Variants in AADAC observed in about 807,000 individuals in gnomAD.
AADAC encodes the protein arylacetamide deacetylase, also known as arylacetamide deacetylase (esterase).
A neutral mutation model predicts 22.7 loss-of-function variants in AADAC; 17 were observed. The ratio of observed to expected loss-of-function variants is 0.75; its 90% CI spans 0.51 to 1.12. AADAC has a LOEUF of 1.12. Among genes scored for constraint, AADAC ranks in the 50% most tolerant of loss-of-function variants. AADAC has a pLI of 0.00. For missense variants in AADAC, 465 were observed against 473.9 expected (o/e 0.98, Z 0.17); for synonymous variants, 167 against 176.3 (o/e 0.95, Z 0.42).
intron 3 of AADAC, among the ~76,000 whole-genome samples, chr3:151,821,229 G>A (rs937408470): frequency 6.6e-6 from 1 of 151,798 alleles, no homozygotes; most frequent in Non-Finnish European, 1.5e-5. Context: ...CTAAAATGTA[G>A]GCTATATAAT....
At position 151,817,396 on chromosome 3, in the gene AADAC, C is replaced by T. The variant is rs866022661; in HGVS notation, c.169C>T (p.His57Tyr). ...ATFVELLGLH[H>Y]FMDSFKVVGS... The stretch of plus-strand genomic sequence containing the variant: ...ATTTGTGGAGCTCCTGGGACTTCAC[C>T]ATTTTATGGATTCCTTTAAGGTTGT... The change falls in exon 2 of 5, where the codon CAT (histidine) becomes TAT (tyrosine). Residue 57 changes from histidine to tyrosine, a missense_variant. By Grantham distance (83) the His-to-Tyr change is moderately conservative. Transcript: ENST00000232892. 1 of 1,613,500 alleles carries T rather than the reference C, an allele frequency of 6.2e-7. No homozygotes were observed.
intron 3 of AADAC, among the ~76,000 whole-genome samples, chr3:151,823,903 ATTGT>A (rs757307850): frequency 6.6e-6 from 1 of 152,026 alleles, no homozygotes; most frequent in African/African-American, 2.4e-5. Flanking sequence ...TTTAGTATTT[ATTGT>A]TTGTTTAATT....
intron 3 of AADAC, among the ~76,000 whole-genome samples, chr3:151,824,005 G>A (rs1443010962): frequency 6.6e-6 from 1 of 151,968 alleles, no homozygotes; most frequent in Non-Finnish European, 1.5e-5. Flanking sequence ...ATGTTGTACA[G>A]CAGATCTGTG....
At chr3:151,826,438 C>T (rs562287382) in intron 4 of AADAC, among the ~76,000 whole-genome samples, 11 of 151,900 alleles carry the variant, frequency 7.2e-5, no homozygotes, top group African/African-American at 2.7e-4. Context: ...AAATACCTGG[C>T]AACTTGTAAC....
Position 151,817,608 on chromosome 3 carries a change from A to G in AADAC, c.361+20A>G. On this transcript the variant is annotated intron_variant, in intron 2 of 4. Transcript: ENST00000232892. ...GTGCTGGTAAGTGAATGCTTTGAAA[A>G]ATCTCTGTCACTGAGGTAGTTCGCA... 1 of 1,605,262 alleles carries G rather than the reference A, an allele frequency of 6.2e-7. No individual in the cohort carries two copies. The highest frequency in any genetic ancestry group is 1.3e-5 in the African/African-American group (1 of 74,948).
chr3:151,817,228 G>A, intron 1 of AADAC, 138 bp from the exon 2 acceptor site: 1 of 714,778 alleles, frequency 1.4e-6, no homozygotes, highest in East Asian at 2.7e-5. Context: ...TCTTTTAAAA[G>A]GACCAAGCAG....
chr3:151,824,901 A>G (rs1261781718), intron 4 of AADAC, 67 bp downstream of exon 4: 1 of 1,271,656 alleles, frequency 7.9e-7, no homozygotes, highest in African/African-American at 1.5e-5. Context: ...CATATTTATA[A>G]ACATATTGAA....
rs112895765 is a variant in AADAC at position 151,820,592 on chromosome 3, C to T, written c.431+140C>T. On this transcript the variant is annotated intron_variant, in intron 3 of 4. Coordinates refer to ENST00000232892, the MANE Select transcript of AADAC (RefSeq NM_001086.3). ...GAGTGCAGTGGCAGGATCTCGGCTCCCTGCAACCTCCTCCTCCCGGGTTCA... is the reference window on the plus strand; with the variant it reads ...GAGTGCAGTGGCAGGATCTCGGCTCTCTGCAACCTCCTCCTCCCGGGTTCA... 7.1e-6 allele frequency: 3 copies of T among 422,198 alleles called. 1 individual carries two copies. The highest frequency in any genetic ancestry group is 4.4e-5 in the African/African-American group (2 of 45,712). 26.2% of individuals were successfully genotyped at this position (422,198 alleles called of 1,614,324 possible). A position where few individuals can be genotyped will look rare whatever the true frequency, so the allele number is the denominator to read the frequency against.
chr3:151,821,818 C>T (rs962642161), intron 3 of AADAC, among the ~76,000 whole-genome samples: 1 of 151,682 alleles, frequency 6.6e-6, no homozygotes, highest in Non-Finnish European at 1.5e-5. Context: ...TTCAAATATT[C>T]TCATTTTATT....
intron 3 of AADAC, 66 bp downstream of exon 3, chr3:151,820,518 T>TTTTC (rs1553873767): frequency 1.1e-5 from 7 of 660,886 alleles, no homozygotes; most frequent in Middle Eastern, 3.9e-4. Context: ...TCAGCTTTCT[T>TTTTC]TTTTTTTTTT....
chr3:151,827,503 G>C, intron 4 of AADAC, 73 bp from the exon 5 acceptor site: 1 of 931,040 alleles, frequency 1.1e-6, no homozygotes, highest in Non-Finnish European at 1.6e-6. Flanking sequence ...TAGATAGACA[G>C]ATAGATAATC....
chr3:151,821,658 T>G (rs1361646416), intron 3 of AADAC, among the ~76,000 whole-genome samples: 1 of 152,030 alleles, frequency 6.6e-6, no homozygotes, highest in African/African-American at 2.4e-5. Flanking sequence ...ATTCCAACTT[T>G]ATACTTAAAG....
chr3:151,824,994 A>G (rs1299817200), intron 4 of AADAC, 160 bp downstream of exon 4: 2 of 533,670 alleles, frequency 3.7e-6, no homozygotes, highest in Admixed American at 4.3e-5. Context: ...AAATGACTAA[A>G]ACATTATAAT....
intron 2 of AADAC, among the ~76,000 whole-genome samples, chr3:151,818,240 CA>C (rs57922305): frequency 0.16 from 22,834 of 139,184 alleles, 1,883 homozygotes; most frequent in African/African-American, 0.21. Flanking sequence ...GACTCTGCCT[CA>C]AAAAAAAAAA....
chr3:151,828,002 C>T lies in AADAC; in HGVS notation c.1030C>T (p.Leu344Phe). 1 of 1,613,228 alleles carries T rather than the reference C, an allele frequency of 6.2e-7. No individual in the cohort carries two copies. The highest frequency in any genetic ancestry group is 8.5e-7 in the Non-Finnish European group (1 of 1,179,476). The change falls in exon 5 of 5, where the codon CTC becomes TTC. Residue 344 changes from leucine to phenylalanine, a missense_variant. By Grantham distance (22) the Leu-to-Phe change is conservative. Transcript: ENST00000232892. ...LTYVITCQYD[L>F]LRDDGLMYVT... ...CTATGTCATCACCTGTCAATATGAT[C>T]TCTTAAGAGATGATGGACTCATGTA...
At chr3:151,818,275 T>C (rs993248519) in intron 2 of AADAC, among the ~76,000 whole-genome samples, 9 of 151,828 alleles carry the variant, frequency 5.9e-5, no homozygotes, top group African/African-American at 1.7e-4. Flanking sequence ...CCTGTCTTCC[T>C]GTATTCTTGG....
Position 151,814,313 on chromosome 3 carries a change from T to A in AADAC, c.138+13T>A, listed in dbSNP as rs1409112978. On this transcript the variant is annotated intron_variant, in intron 1 of 4. Coordinates refer to ENST00000232892, the MANE Select transcript of AADAC (RefSeq NM_001086.3). ...TATACAAAATTTGGTAAGTTTGGAA[T>A]TTTATGAATTCAGATGTGCATACAC... 4.4e-6 allele frequency: 7 copies of A among 1,607,842 alleles called. No homozygotes were observed. The Admixed American group carries it at 1.0e-4, about 23-fold the overall frequency.
intron 1 of AADAC, among the ~76,000 whole-genome samples, chr3:151,815,558 G>T (rs551652934): frequency 6.6e-6 from 1 of 151,864 alleles, no homozygotes; most frequent in East Asian, 1.9e-4. Flanking sequence ...TTTGCTGTCT[G>T]TGCTACAATA....
intron 1 of AADAC, 60 bp downstream of exon 1, chr3:151,814,360 A>C: frequency 6.8e-7 from 1 of 1,476,274 alleles, no homozygotes; most frequent in Middle Eastern, 2.0e-4. Context: ...CCAGAGAATT[A>C]AGTTTTTCAA....
Sources: allele counts gnomAD v4.1 joint callset (sites outside exome capture counted in the v4.1 genomes callset), GRCh38; gene constraint gnomAD v4.1.1; transcripts MANE v1.5; gene names NCBI Gene and HGNC (gene_info 2026-07-23, HGNC 2026-07-21).